Variants in IFNA21 observed in about 807,000 individuals in gnomAD.
The protein encoded by IFNA21 is interferon alpha-21.
For synonymous variants in IFNA21, 101 were observed against 82.9 expected (o/e 1.22, Z -1.19); for missense variants, 272 against 212.7 (o/e 1.28, Z -1.73).
In IFNA21 at chr9:21,166,623, C is replaced by G; in HGVS notation, c.-11G>C. ...AAAGGACAGGGCCATTGGGATGTTG[C>G]CAATATTGCTAGGCTACTTGAGATG... On this transcript the variant is annotated 5_prime_UTR_variant, in exon 1 of 1. Coordinates refer to ENST00000380225, the MANE Select transcript of IFNA21 (RefSeq NM_002175.2). The G allele has an allele frequency of 1.2e-6, 2 of 1,607,996 alleles. No homozygotes were observed. Among genetic ancestry groups the G allele is most frequent in the Non-Finnish European group, 1.7e-6 (2 of 1,176,730 alleles).
At position 21,166,412 on chromosome 9, in the gene IFNA21, A is replaced by C; in HGVS notation, c.201T>G (p.Asp67Glu). 1 of 1,614,176 alleles carries C rather than the reference A, an allele frequency of 6.2e-7. No homozygotes were observed. Among genetic ancestry groups the C allele is most frequent in the South Asian group, 1.1e-5 (1 of 91,084 alleles). The change falls in exon 1 of 1, where the codon GAT becomes GAG. Residue 67 changes from aspartate to glutamate, a missense_variant. Physicochemically the swap from Asp to Glu is conservative, Grantham distance 45. Coordinates refer to ENST00000380225, the MANE Select transcript of IFNA21 (RefSeq NM_002175.2). ...CTTGAGCCTTCTGGAACTGGTTGCC[A>C]TCAAACTCCTCCTGGGGGAATCCAA... ...HDFGFPQEEF[D>E]GNQFQKAQAI...
rs1563797458 is a variant in IFNA21 at position 21,166,417 on chromosome 9, A to G, written c.196T>C (p.Phe66Leu). 1.2e-6 allele frequency: 2 copies of G among 1,613,910 alleles called. No homozygotes were observed. The highest frequency in any genetic ancestry group is 3.3e-5 in the Admixed American group (2 of 59,978). Reference protein sequence around the residue: ...RHDFGFPQEEFDGNQFQKAQA... With the variant: ...RHDFGFPQEELDGNQFQKAQA... Reference sequence around the variant, plus strand: ...GCCTTCTGGAACTGGTTGCCATCAAACTCCTCCTGGGGGAATCCAAAGTCA... The same window carrying G: ...GCCTTCTGGAACTGGTTGCCATCAAGCTCCTCCTGGGGGAATCCAAAGTCA... The change falls in exon 1 of 1, where the codon TTT becomes CTT. Residue 66 changes from phenylalanine (F) to leucine (L), a missense_variant. Physicochemically the swap from Phe to Leu is conservative, Grantham distance 22 (BLOSUM62 0). Transcript: ENST00000380225.
chr9:21,166,409 G>C lies in IFNA21; in HGVS notation c.204C>G (p.Gly68=). 6 of 1,614,136 alleles carry C rather than the reference G, an allele frequency of 3.7e-6. No individual in the cohort carries two copies. Among genetic ancestry groups the C allele is most frequent in the Non-Finnish European group, 5.1e-6 (6 of 1,180,028 alleles). The change falls in exon 1 of 1, where the codon GGC becomes GGG. Residue 68 remains glycine, a synonymous_variant. Transcript: ENST00000380225. ...DFGFPQEEFD[G]NQFQKAQAIS... ...TGGCTTGAGCCTTCTGGAACTGGTT[G>C]CCATCAAACTCCTCCTGGGGGAATC...
Position 21,166,322 on chromosome 9 carries a change from A to C in IFNA21, c.291T>G (p.Ser97=), listed in dbSNP as rs1413180589. Residue 97 remains serine (S), a synonymous_variant, in exon 1 of 1, where the codon TCT becomes TCG. Transcript: ENST00000380225. ...CTAGGAGGCTCTGTTCCCAAGTAGC[A>C]GATGAGTCCTTTGTGCTGAAGAGAT... ...TFNLFSTKDS[S]ATWEQSLLEK... 3.7e-6 allele frequency: 6 copies of C among 1,614,068 alleles called. No homozygotes were observed. Among genetic ancestry groups the C allele is most frequent in the Non-Finnish European group, 4.2e-6 (5 of 1,180,026 alleles).
In IFNA21 at chr9:21,166,480, C is replaced by T. The variant is rs765015232; in HGVS notation, c.133G>A (p.Gly45Arg). 1 of 1,613,988 alleles carries T rather than the reference C, an allele frequency of 6.2e-7. No homozygotes were observed. Among genetic ancestry groups the T allele is most frequent in the East Asian group, 2.2e-5 (1 of 44,868 alleles). ...RRALILLAQM[G>R]RISPFSCLKD... ...AGGCAGGAGAAAGGAGAGATTCTTC[C>T]CATTTGTGCCAGGAGTATCAAGGCC... Residue 45 changes from glycine to arginine, a missense_variant, in exon 1 of 1, where the codon GGA (glycine) becomes AGA (arginine). Physicochemically the swap from Gly to Arg is moderately radical, Grantham distance 125. Coordinates refer to ENST00000380225, the MANE Select transcript of IFNA21 (RefSeq NM_002175.2).
chr9:21,165,941 T>A lies in IFNA21; in HGVS notation c.*102A>T. The A allele has an allele frequency of 7.0e-7, 1 of 1,423,756 alleles. No individual in the cohort carries two copies. Among genetic ancestry groups the A allele is most frequent in the East Asian group, 2.3e-5 (1 of 43,786 alleles). 88.2% of individuals were successfully genotyped at this position (1,423,756 alleles called of 1,614,324 possible). A position where few individuals can be genotyped will look rare whatever the true frequency, so the allele number is the denominator to read the frequency against. On this transcript the variant is annotated 3_prime_UTR_variant, in exon 1 of 1. Transcript: ENST00000380225. ...GATCTGAAAATTTTGATTCAACTCA[T>A]GCGGTGGTTATAGGAGAAATGAGTC...
chr9:21,165,969 TGAAA>T lies in IFNA21; in HGVS notation c.*70_*73del. On this transcript the variant is annotated 3_prime_UTR_variant, in exon 1 of 1. Coordinates refer to ENST00000380225, the MANE Select transcript of IFNA21 (RefSeq NM_002175.2). ...GGTGGTTATAGGAGAAATGAGTCTTTGAAATGGCAGAAGTCATAGAAGTGTGGAC... is the reference window on the plus strand; with the variant it reads ...GGTGGTTATAGGAGAAATGAGTCTTTTGGCAGAAGTCATAGAAGTGTGGAC... 1 of 1,520,612 alleles carries T rather than the reference TGAAA, an allele frequency of 6.6e-7. No homozygotes were observed. The highest frequency in any genetic ancestry group is 8.9e-7 in the Non-Finnish European group (1 of 1,129,278). 94.2% of individuals were successfully genotyped at this position (1,520,612 alleles called of 1,614,324 possible). A position where few individuals can be genotyped will look rare whatever the true frequency, so the allele number is the denominator to read the frequency against.
chr9:21,165,983 T>C lies in IFNA21; in HGVS notation c.*60A>G. ...AAATGAGTCTTTGAAATGGCAGAAG[T>C]CATAGAAGTGTGGACTGGTGTATTA... is the stretch of plus-strand genomic sequence containing the variant. On this transcript the variant is annotated 3_prime_UTR_variant, in exon 1 of 1. Coordinates refer to ENST00000380225, the MANE Select transcript of IFNA21 (RefSeq NM_002175.2). 6.5e-7 allele frequency: 1 copy of C among 1,549,420 alleles called. No individual in the cohort carries two copies. The highest frequency in any genetic ancestry group is 8.7e-7 in the Non-Finnish European group (1 of 1,146,458).
chr9:21,165,979 G>A lies in IFNA21; in HGVS notation c.*64C>T, dbSNP rs1339382712. The A allele has an allele frequency of 5.2e-6, 8 of 1,535,764 alleles. No homozygotes were observed. Among genetic ancestry groups the A allele is most frequent in the Non-Finnish European group, 7.0e-6 (8 of 1,138,840 alleles). On this transcript the variant is annotated 3_prime_UTR_variant, in exon 1 of 1. Transcript: ENST00000380225. ...GGAGAAATGAGTCTTTGAAATGGCA[G>A]AAGTCATAGAAGTGTGGACTGGTGT...
In IFNA21 at chr9:21,165,664, A is replaced by G. The variant is rs1819653645; in HGVS notation, c.*379T>C. 1 of 152,930 alleles carries G rather than the reference A, an allele frequency of 6.5e-6. No individual in the cohort carries two copies. Among genetic ancestry groups the G allele is most frequent in the Non-Finnish European group, 1.5e-5 (1 of 68,712 alleles). 9.5% of individuals were successfully genotyped at this position (152,930 alleles called of 1,614,324 possible). A position where few individuals can be genotyped will look rare whatever the true frequency, so the allele number is the denominator to read the frequency against. ...GCTTGGTATTTCTTTATTAAAGAAT[A>G]AACAAATAATATAAGAAGTTTTAAT... On this transcript the variant is annotated 3_prime_UTR_variant, in exon 1 of 1. Coordinates refer to ENST00000380225, the MANE Select transcript of IFNA21 (RefSeq NM_002175.2).
chr9:21,166,086 G>C lies in IFNA21; in HGVS notation c.527C>G (p.Ser176Cys), dbSNP rs1819659834. The stretch of plus-strand genomic sequence containing the variant: ...TCTTTCTTGAAAAATTTTTGATAAA[G>C]AGAAGGATCTCATGATTTCTGCTCT... Reference protein sequence around the residue: ...VVRAEIMRSFSLSKIFQERLR... With the variant: ...VVRAEIMRSFCLSKIFQERLR... The change falls in exon 1 of 1, where the codon TCT (serine) becomes TGT (cysteine). Residue 176 changes from serine to cysteine, a missense_variant. Coordinates refer to ENST00000380225, the MANE Select transcript of IFNA21 (RefSeq NM_002175.2). 1 of 1,613,896 alleles carries C rather than the reference G, an allele frequency of 6.2e-7. No homozygotes were observed. The highest frequency in any genetic ancestry group is 1.3e-5 in the African/African-American group (1 of 74,894).
At position 21,166,233 on chromosome 9, in the gene IFNA21, A is replaced by T. The variant is rs61738020; in HGVS notation, c.380T>A (p.Val127Asp). The change falls in exon 1 of 1, where the codon GTT becomes GAT. Residue 127 changes from valine (V) to aspartate (D), a missense_variant. Val to Asp is a radical substitution (Grantham distance 152, BLOSUM62 -3). Transcript: ENST00000380225. ...NDLEACVIQEVGVEETPLMNV... is the reference protein window; with the variant it reads ...NDLEACVIQEDGVEETPLMNV... Reference sequence around the variant, plus strand: ...CATCAGGGGAGTCTCTTCCACCCCAACCTCCTGTATCACGCAGGCTTCCAG... The same window carrying T: ...CATCAGGGGAGTCTCTTCCACCCCATCCTCCTGTATCACGCAGGCTTCCAG... 7.7e-4 allele frequency: 1,246 copies of T among 1,614,010 alleles called. 10 individuals are homozygous for T. The African/African-American group carries it at 0.014, about 18-fold the overall frequency.
In IFNA21 at chr9:21,166,233, A is replaced by G. The variant is rs61738020; in HGVS notation, c.380T>C (p.Val127Ala). The change falls in exon 1 of 1, where the codon GTT (valine) becomes GCT (alanine). Residue 127 changes from valine to alanine, a missense_variant. Coordinates refer to ENST00000380225, the MANE Select transcript of IFNA21 (RefSeq NM_002175.2). ...CATCAGGGGAGTCTCTTCCACCCCA[A>G]CCTCCTGTATCACGCAGGCTTCCAG... ...NDLEACVIQE[V>A]GVEETPLMNV... The G allele has an allele frequency of 7.4e-6, 12 of 1,614,016 alleles. No homozygotes were observed. In the East Asian group the frequency reaches 8.9e-5, roughly 12 times the overall value.
Position 21,165,867 on chromosome 9 carries a change from G to A in IFNA21, c.*176C>T. 1 of 693,522 alleles carries A rather than the reference G, an allele frequency of 1.4e-6. No homozygotes were observed. The highest frequency in any genetic ancestry group is 2.3e-5 in the South Asian group (1 of 42,868). 43.0% of individuals were successfully genotyped at this position (693,522 alleles called of 1,614,324 possible). A position where few individuals can be genotyped will look rare whatever the true frequency, so the allele number is the denominator to read the frequency against. ...TCTATCAGCATGGTCATCTGTAAAG[G>A]ACTAGTGCCTGCACAGGTAAACATG... On this transcript the variant is annotated 3_prime_UTR_variant, in exon 1 of 1. Transcript: ENST00000380225.
rs1299359770 is a variant in IFNA21 at position 21,165,871 on chromosome 9, A to T, written c.*172T>A. The T allele has an allele frequency of 4.2e-6, 3 of 719,182 alleles. No individual in the cohort carries two copies. Among genetic ancestry groups the T allele is most frequent in the Non-Finnish European group, 6.7e-6 (3 of 447,174 alleles). The allele number at this position is 719,182 out of a possible 1,614,324, so 44.6% of individuals were successfully genotyped here. A position where few individuals can be genotyped will look rare whatever the true frequency, so the allele number is the denominator to read the frequency against. On this transcript the variant is annotated 3_prime_UTR_variant, in exon 1 of 1. Coordinates refer to ENST00000380225, the MANE Select transcript of IFNA21 (RefSeq NM_002175.2). ...TCAGCATGGTCATCTGTAAAGGACT[A>T]GTGCCTGCACAGGTAAACATGATGT...
At position 21,166,409 on chromosome 9, in the gene IFNA21, G is replaced by T; in HGVS notation, c.204C>A (p.Gly68=). Residue 68 remains glycine, a synonymous_variant, in exon 1 of 1, where the codon GGC becomes GGA. Coordinates refer to ENST00000380225, the MANE Select transcript of IFNA21 (RefSeq NM_002175.2). ...DFGFPQEEFD[G]NQFQKAQAIS... ...TGGCTTGAGCCTTCTGGAACTGGTT[G>T]CCATCAAACTCCTCCTGGGGGAATC... The T allele has an allele frequency of 6.2e-7, 1 of 1,614,136 alleles. No individual in the cohort carries two copies. Among genetic ancestry groups the T allele is most frequent in the East Asian group, 2.2e-5 (1 of 44,880 alleles).
rs751453835 is a variant in IFNA21, at chr9:21,166,579, G to T, written c.34C>A (p.Leu12Met). The T allele has an allele frequency of 3.7e-6, 6 of 1,613,820 alleles. No individual in the cohort carries two copies. In the South Asian group the frequency reaches 5.5e-5, roughly 15 times the overall value. The change falls in exon 1 of 1, where the codon CTG (leucine) becomes ATG (methionine). Residue 12 changes from leucine to methionine, a missense_variant. By Grantham distance (15) the Leu-to-Met change is conservative (BLOSUM62 2). Coordinates refer to ENST00000380225, the MANE Select transcript of IFNA21 (RefSeq NM_002175.2). Reference sequence around the variant, plus strand: ...CAGATGGATTTGTAGCTGAGCACCAGCACGGCCATCAGTAAAGAAAAGGAC... The same window carrying T: ...CAGATGGATTTGTAGCTGAGCACCATCACGGCCATCAGTAAAGAAAAGGAC... ...ALSFSLLMAVLVLSYKSICSL... is the reference protein window; with the variant it reads ...ALSFSLLMAVMVLSYKSICSL...
Position 21,165,992 on chromosome 9 carries a change from T to G in IFNA21, c.*51A>C. Reference sequence around the variant, plus strand: ...TTTGAAATGGCAGAAGTCATAGAAGTGTGGACTGGTGTATTAGTCAATACA... The same window carrying G: ...TTTGAAATGGCAGAAGTCATAGAAGGGTGGACTGGTGTATTAGTCAATACA... On this transcript the variant is annotated 3_prime_UTR_variant, in exon 1 of 1. Transcript: ENST00000380225. The G allele has an allele frequency of 6.4e-7, 1 of 1,568,248 alleles. No individual in the cohort carries two copies. The highest frequency in any genetic ancestry group is 8.7e-7 in the Non-Finnish European group (1 of 1,155,772).
chr9:21,166,080 G>A lies in IFNA21; in HGVS notation c.533C>T (p.Ser178Leu), dbSNP rs752356608. ...RAEIMRSFSL[S>L]KIFQERLRRK... The stretch of plus-strand genomic sequence containing the variant: ...CCTTAATCTTTCTTGAAAAATTTTT[G>A]ATAAAGAGAAGGATCTCATGATTTC... Residue 178 changes from serine (S) to leucine (L), a missense_variant, in exon 1 of 1, where the codon TCA (serine) becomes TTA (leucine). Transcript: ENST00000380225. 12 of 1,613,518 alleles carry A rather than the reference G, an allele frequency of 7.4e-6. No homozygotes were observed. The highest frequency in any genetic ancestry group is 1.0e-5 in the Non-Finnish European group (12 of 1,179,894).
Sources: allele counts gnomAD v4.1 joint callset, GRCh38; gene constraint gnomAD v4.1.1; transcripts MANE v1.5; gene names NCBI Gene and HGNC (gene_info 2026-07-23, HGNC 2026-07-21).